Variants in FMO5 observed in about 807,000 individuals in gnomAD.
The protein encoded by FMO5 is flavin-containing monooxygenase 5.
FMO5 carries 51 observed loss-of-function variants against 43.6 expected under a neutral mutation model. That is an observed-to-expected ratio of 1.17 (90% CI 0.93 to 1.48). The LOEUF is 1.48. FMO5 is among the 40% of genes most tolerant of loss of function. FMO5 has a pLI of 0.00. For missense variants in FMO5, 644 were observed against 643.0 expected, an observed-to-expected ratio of 1.00 and a Z score of -0.02; for synonymous variants, 187 against 216.5, an observed-to-expected ratio of 0.86 and a Z score of 1.20.
At chr1:147,204,976 G>GCGGAGGAACCAAAGGTTTTCATGC in intron 6 of FMO5, 1 of 1,163,018 alleles carries the variant, frequency 8.6e-7, no homozygotes, top group Non-Finnish European at 1.3e-6. Context: ...TCAGAAGACC[G>GCGGAGGAACCAAAGGTTTTCATGC]CGGAGGAACC....
chr1:147,225,303 C>T lies in FMO5; in HGVS notation c.-54G>A, dbSNP rs1663852628. The T allele has an allele frequency of 8.2e-6, 5 of 610,854 alleles. 1 individual carries two copies. The highest frequency in any genetic ancestry group is 1.3e-5 in the Non-Finnish European group (5 of 398,594). 37.8% of individuals were successfully genotyped at this position (610,854 alleles called of 1,614,324 possible). A position where few individuals can be genotyped will look rare whatever the true frequency, so the allele number is the denominator to read the frequency against. Reference sequence around the variant, plus strand: ...GGATCTCACCGCCTTTCCTGAAGCGCTCAACAGATCCTTCAGCTGCGATCT... The same window carrying T: ...GGATCTCACCGCCTTTCCTGAAGCGTTCAACAGATCCTTCAGCTGCGATCT... On this transcript the variant is annotated 5_prime_UTR_variant, in exon 1 of 9. Coordinates refer to ENST00000254090, the MANE Select transcript of FMO5 (RefSeq NM_001461.4).
At chr1:147,191,908 C>T (rs1656914020) in intron 7 of FMO5, among the ~76,000 whole-genome samples, 2 of 152,078 alleles carry the variant, frequency 1.3e-5, no homozygotes, top group African/African-American at 4.8e-5. Context: ...GTTTTGGTTA[C>T]TGTAGCCTTG....
At chr1:147,197,686 C>A (rs1344465913) in intron 7 of FMO5, among the ~76,000 whole-genome samples, 5 of 152,082 alleles carry the variant, frequency 3.3e-5, no homozygotes, top group Non-Finnish European at 7.3e-5. Context: ...CTGAGGCCTC[C>A]CCAGCCATGC....
At chr1:147,204,383 C>CT (rs1659586033) in intron 6 of FMO5, 1 of 1,063,462 alleles carries the variant, frequency 9.4e-7, no homozygotes, top group Non-Finnish European at 1.5e-6. Context: ...CATGCCTGAA[C>CT]AATAAGCTTG....
chr1:147,190,300 A>G (rs1203730485), intron 7 of FMO5, 51 bp from the exon 8 acceptor site: 3 of 1,107,354 alleles, frequency 2.7e-6, no homozygotes, highest in Non-Finnish European at 4.1e-6. Context: ...AGAAGGAACA[A>G]TAATCCTATA....
chr1:147,212,613 G>T, intron 4 of FMO5, 78 bp from the exon 5 acceptor site: 1 of 1,336,162 alleles, frequency 7.5e-7, no homozygotes, highest in Non-Finnish European at 1.0e-6. Flanking sequence ...TGTTTTTTTT[G>T]CAGACTTAAG....
At chr1:147,213,249 C>A in intron 4 of FMO5, 59 bp downstream of exon 4, 1 of 1,385,998 alleles carries the variant, frequency 7.2e-7, no homozygotes, top group South Asian at 1.6e-5. Flanking sequence ...TCCTCCCATT[C>A]CTCAGGGGTC....
intron 6 of FMO5, chr1:147,203,378 C>A: frequency 9.3e-7 from 1 of 1,080,588 alleles, no homozygotes; most frequent in East Asian, 2.4e-5. Context: ...ACAGTGACTG[C>A]AGCATTAGCA....
At chr1:147,187,390 T>C (rs1169630687) in intron 8 of FMO5, 145 bp from the exon 9 acceptor site, 2 of 631,060 alleles carry the variant, frequency 3.2e-6, no homozygotes, top group Admixed American at 3.0e-5. Flanking sequence ...CATTGGTCAC[T>C]GTCCTTAAGG....
At chr1:147,197,541 C>T (rs782377516) in intron 7 of FMO5, among the ~76,000 whole-genome samples, 7 of 152,038 alleles carry the variant, frequency 4.6e-5, no homozygotes, top group Non-Finnish European at 8.8e-5. Context: ...TCATACTGCT[C>T]ATGCTGTTCT....
chr1:147,184,450 T>C (rs1655445657), downstream of FMO5: 6 of 1,393,444 alleles, frequency 4.3e-6, no homozygotes, highest in African/African-American at 4.4e-5. The surrounding 1 kb of genome is among the most constrained non-coding windows in gnomAD (Gnocchi z 4.4). Context: ...GTTCTTTTTC[T>C]GTTGCAGGAG....
Position 147,187,153 on chromosome 1 carries a change from A to G in FMO5, c.1349T>C (p.Leu450Pro), listed in dbSNP as rs1655762186. The change falls in exon 9 of 9, where the codon CTG becomes CCG. Residue 450 changes from leucine to proline, a missense_variant. Coordinates refer to ENST00000254090, the MANE Select transcript of FMO5 (RefSeq NM_001461.4). ...CTTGGGGTCAGTGAAGGCCAGAGACAGCAGATTGGGCCTGACCCCCACCAA... is the reference window on the plus strand; with the variant it reads ...CTTGGGGTCAGTGAAGGCCAGAGACGGCAGATTGGGCCTGACCCCCACCAA... ...ADLVGVRPNL[L>P]SLAFTDPKLA... The G allele has an allele frequency of 2.5e-6, 4 of 1,614,156 alleles. No homozygotes were observed.
In FMO5 at chr1:147,186,334, A is replaced by G. The variant is rs1169633070; in HGVS notation, c.*566T>C. ...AAAGGGCTAAAAATGACCATGTTTC[A>G]AGTACACTAGTGAATAGCAAGTGAA... On this transcript the variant is annotated 3_prime_UTR_variant, in exon 9 of 9. Transcript: ENST00000254090. 8 of 979,342 alleles carry G rather than the reference A, an allele frequency of 8.2e-6. No homozygotes were observed. In the East Asian group the frequency reaches 8.0e-4, roughly 97 times the overall value. The allele number at this position is 979,342 out of a possible 1,614,324, so 60.7% of individuals were successfully genotyped here.
chr1:147,223,034 T>C (rs1559681774), intron 2 of FMO5, among the ~76,000 whole-genome samples: 1 of 152,192 alleles, frequency 6.6e-6, no homozygotes, highest in Non-Finnish European at 1.5e-5. Flanking sequence ...ATTCACTTAC[T>C]CCTGACAATA....
intron 7 of FMO5, among the ~76,000 whole-genome samples, chr1:147,195,541 T>C (rs1657839970): frequency 6.6e-6 from 1 of 152,170 alleles, no homozygotes; most frequent in Non-Finnish European, 1.5e-5. Flanking sequence ...GGGGAACTCA[T>C]AATACCTAAT....
chr1:147,187,884 GGT>G (rs1465916170), intron 8 of FMO5, among the ~76,000 whole-genome samples: 1 of 152,194 alleles, frequency 6.6e-6, no homozygotes, highest in African/African-American at 2.4e-5. Flanking sequence ...AGTGGGATTT[GGT>G]GAGCTAATGA....
intron 4 of FMO5, 147 bp downstream of exon 4, chr1:147,213,161 C>G (rs1661363700): frequency 1.5e-6 from 1 of 667,446 alleles, no homozygotes; most frequent in Admixed American, 3.9e-5. Context: ...TACAAGTTAC[C>G]CCAACATCCT....
intron 2 of FMO5, among the ~76,000 whole-genome samples, chr1:147,216,191 C>A (rs930983331): frequency 6.6e-6 from 1 of 152,170 alleles, no homozygotes; most frequent in African/African-American, 2.4e-5. Flanking sequence ...AGTAGCCTTG[C>A]GGATTCTGCC....
At position 147,190,163 on chromosome 1, in the gene FMO5, G is replaced by A; in HGVS notation, c.1256+14C>T. On this transcript the variant is annotated intron_variant, in intron 8 of 8. Coordinates refer to ENST00000254090, the MANE Select transcript of FMO5 (RefSeq NM_001461.4). ...AGAAATGTAACCATATATCTTCCTGGGAGAGTTTCTTACCTTTTGTCAATT... is the reference window on the plus strand; with the variant it reads ...AGAAATGTAACCATATATCTTCCTGAGAGAGTTTCTTACCTTTTGTCAATT... 7.1e-6 allele frequency: 11 copies of A among 1,554,158 alleles called. No individual in the cohort carries two copies. Among genetic ancestry groups the A allele is most frequent in the East Asian group, 2.3e-5 (1 of 44,368 alleles).
Sources: gnomAD v4.1 joint callset for allele counts (sites outside exome capture counted in the v4.1 genomes callset) on GRCh38, gnomAD v4.1.1 for gene constraint, Gnocchi (gnomAD v3.1) non-coding constraint, MANE v1.5 for transcripts, NCBI Gene and HGNC (gene_info 2026-07-23, HGNC 2026-07-21) for gene names.